MMD2: variants seen among roughly 807,000 people sequenced by gnomAD.
The protein encoded by MMD2 is monocyte to macrophage differentiation associated 2.
Under a neutral mutation model 33.5 loss-of-function variants are expected in MMD2, and 30 were observed. The observed-to-expected ratio is 0.90, with a 90% CI of 0.67 to 1.22. The LOEUF (loss-of-function observed/expected upper bound fraction) is 1.22. Among genes scored for constraint, MMD2 ranks in the 50% most tolerant of loss-of-function variants. The pLI is 0.00. For synonymous variants in MMD2, 129 were observed against 123.0 expected, an observed-to-expected ratio of 1.05 and a Z score of -0.32; for missense variants, 364 against 325.4, an observed-to-expected ratio of 1.12 and a Z score of -0.91.
intron 3 of MMD2, among the ~76,000 whole-genome samples, chr7:4,916,573 G>A (rs1785150084): frequency 6.6e-6 from 1 of 151,786 alleles, no homozygotes; most frequent in Non-Finnish European, 1.5e-5. Context: ...AGTAGAGACG[G>A]GGTTTCGCCA....
chr7:4,908,421 C>T (rs1583353687), intron 6 of MMD2, among the ~76,000 whole-genome samples: 4 of 151,836 alleles, frequency 2.6e-5, no homozygotes, highest in Admixed American at 6.6e-5. Flanking sequence ...GGATTATAGG[C>T]GGAAGCCACT....
chr7:4,944,567 T>G (rs1785998813), intron 1 of MMD2, among the ~76,000 whole-genome samples: 1 of 152,092 alleles, frequency 6.6e-6, no homozygotes, highest in South Asian at 2.1e-4. Flanking sequence ...CGAGGAGGAC[T>G]TGGAATGGCC....
At chr7:4,897,752 T>C in the MMD2 span, among the ~76,000 whole-genome samples, 1 of 81,332 alleles carries the variant, frequency 1.2e-5, no homozygotes, top group East Asian at 5.3e-4. Context: ...CTTTCTTTCT[T>C]TTTTTGAGAC....
the MMD2 span, among the ~76,000 whole-genome samples, chr7:4,892,326 G>A: frequency 8.7e-3 from 1,328 of 152,150 alleles, 17 homozygotes; most frequent in African/African-American, 0.03. Context: ...GGTGGCTCAC[G>A]CCTGTAATCC....
At position 4,920,668 on chromosome 7, in the gene MMD2, C is replaced by T. The variant is rs370402823; in HGVS notation, c.130-337G>A. Among the ~76,000 whole-genome samples, 418 of 138,818 alleles carry T rather than the reference C, an allele frequency of 3.0e-3. 3 individuals are homozygous for T. The highest frequency in any genetic ancestry group is 0.01 in the African/African-American group (383 of 36,586). 91.1% of individuals were successfully genotyped at this position (138,818 alleles called of 152,430 possible). On this transcript the variant is annotated intron_variant, in intron 2 of 6. Transcript: ENST00000401401. ...TCTTTTCCTTTCCTCTTTCTTTCTT[C>T]CCCTTCCCTCCTCCCTCTCTCCTCC...
At chr7:4,922,821 A>C (rs1785321794) in intron 2 of MMD2, among the ~76,000 whole-genome samples, 1 of 151,952 alleles carries the variant, frequency 6.6e-6, no homozygotes, top group African/African-American at 2.4e-5. Flanking sequence ...CATTCCACAA[A>C]CCTGTGAGCA....
chr7:4,943,512 C>G (rs910318340), intron 1 of MMD2, among the ~76,000 whole-genome samples: 1 of 152,100 alleles, frequency 6.6e-6, no homozygotes, highest in Non-Finnish European at 1.5e-5. Context: ...ACTGCTCTAC[C>G]CTGATGTCCC....
intron 1 of MMD2, among the ~76,000 whole-genome samples, chr7:4,950,347 C>T (rs1786207427): frequency 6.6e-6 from 1 of 152,176 alleles, no homozygotes. Flanking sequence ...GTCCGCCTGC[C>T]TCGGCCTTCC....
chr7:4,938,002 CTTTTTTTTTTTT>C (rs1165504272), intron 1 of MMD2, among the ~76,000 whole-genome samples: 4 of 45,652 alleles, frequency 8.8e-5, no homozygotes, highest in Non-Finnish European at 1.4e-4. Flanking sequence ...TTCTTTCTTT[CTTTTTTTTTTTT>C]TTTTTTTTTT....
At chr7:4,916,746 G>T (rs928417167) in intron 3 of MMD2, among the ~76,000 whole-genome samples, 7 of 152,184 alleles carry the variant, frequency 4.6e-5, no homozygotes, top group African/African-American at 1.4e-4. Context: ...TTTTTCCAAA[G>T]ATTTATAATG....
chr7:4,908,530 T>C (rs546676569), intron 6 of MMD2, among the ~76,000 whole-genome samples: 1 of 152,256 alleles, frequency 6.6e-6, no homozygotes, highest in African/African-American at 2.4e-5. Flanking sequence ...TGCACACCCA[T>C]GTTCATAGCA....
At chr7:4,936,459 G>A (rs1165389566) in intron 1 of MMD2, among the ~76,000 whole-genome samples, 1 of 152,130 alleles carries the variant, frequency 6.6e-6, no homozygotes, top group Non-Finnish European at 1.5e-5. Flanking sequence ...TTGGGTGGGA[G>A]ATAAAGAGTC....
At chr7:4,916,371 CTTTTTT>C (rs553309427) in intron 3 of MMD2, among the ~76,000 whole-genome samples, 2 of 64,748 alleles carry the variant, frequency 3.1e-5, no homozygotes, top group South Asian at 1.4e-3. Context: ...CTCCGTCCCA[CTTTTTT>C]TTTTTTTTTT....
At chr7:4,921,206 A>T (rs1785275414) in intron 2 of MMD2, among the ~76,000 whole-genome samples, 1 of 152,072 alleles carries the variant, frequency 6.6e-6, no homozygotes, top group Non-Finnish European at 1.5e-5. Context: ...ATGATGTGCC[A>T]CATGTGACCC....
chr7:4,894,395 A>AG, the MMD2 span, among the ~76,000 whole-genome samples: 7 of 152,314 alleles, frequency 4.6e-5, no homozygotes, highest in East Asian at 1.3e-3. The surrounding 1 kb of genome is among the most constrained non-coding windows in gnomAD (Gnocchi z 4.3). Context: ...CTGATCCTGG[A>AG]GGGACTACCC....
intron 4 of MMD2, among the ~76,000 whole-genome samples, chr7:4,912,249 T>C (rs1785032420): frequency 6.6e-6 from 1 of 151,948 alleles, no homozygotes; most frequent in South Asian, 2.1e-4. Flanking sequence ...ATGACAATAT[T>C]GTGTGTATGT....
At chr7:4,918,483 CTT>C (rs60393757) in intron 3 of MMD2, among the ~76,000 whole-genome samples, 267 of 130,952 alleles carry the variant, frequency 2.0e-3, no homozygotes, top group African/African-American at 5.2e-3. Flanking sequence ...TTCTTTCTTT[CTT>C]TTTTTTTTTT....
chr7:4,920,120 C>T (rs1785238273), intron 3 of MMD2, 51 bp downstream of exon 3: 3 of 1,537,100 alleles, frequency 2.0e-6, no homozygotes, highest in South Asian at 2.4e-5. Flanking sequence ...GCCATGGGTC[C>T]CCCTGCCCCG....
intron 5 of MMD2, 63 bp downstream of exon 5, chr7:4,911,082 T>A: frequency 7.4e-7 from 1 of 1,357,680 alleles, no homozygotes; most frequent in East Asian, 2.5e-5. Context: ...AGCCCAGGAG[T>A]GCTGGGGAGG....
Sources: gnomAD v4.1 joint callset for allele counts (sites outside exome capture counted in the v4.1 genomes callset) on GRCh38, gnomAD v4.1.1 for gene constraint, Gnocchi (gnomAD v3.1) non-coding constraint, MANE v1.5 for transcripts, NCBI Gene and HGNC (gene_info 2026-07-23, HGNC 2026-07-21) for gene names.